Variants in KCND2 observed in about 807,000 individuals in gnomAD.
KCND2 encodes A-type voltage-gated potassium channel KCND2.
A neutral mutation model predicts 54.4 loss-of-function variants in KCND2; 16 were observed. The ratio of observed to expected loss-of-function variants is 0.29; its 90% CI spans 0.20 to 0.45. The LOEUF (loss-of-function observed/expected upper bound fraction) is 0.45, where lower values mean the gene tolerates loss of function less well. KCND2 is among the 20% of genes least tolerant of loss of function. The pLI, the probability that KCND2 is intolerant of heterozygous loss-of-function variation, is 1.00. For missense variants in KCND2, 486 were observed against 824.2 expected, an observed-to-expected ratio of 0.59 and a Z score of 5.02; for synonymous variants, 317 against 310.7, an observed-to-expected ratio of 1.02 and a Z score of -0.21.
intron 1 of KCND2, among the ~76,000 whole-genome samples, chr7:120,655,441 T>C (rs2116551572): frequency 6.6e-6 from 1 of 152,180 alleles, no homozygotes; most frequent in Non-Finnish European, 1.5e-5. Context: ...TATTATACTA[T>C]AGTGATTACT....
intron 1 of KCND2, among the ~76,000 whole-genome samples, chr7:120,396,233 G>A (rs192656368): frequency 3.2e-4 from 49 of 152,080 alleles, no homozygotes; most frequent in Non-Finnish European, 6.0e-4. Flanking sequence ...TCCTGTGTTG[G>A]TCAAATTAAT....
In KCND2 at chr7:120,685,102, C is replaced by G. The variant is rs1012156733; in HGVS notation, c.1116-47801C>G. On this transcript the variant is annotated intron_variant, in intron 1 of 5. Transcript: ENST00000331113. The stretch of plus-strand genomic sequence containing the variant: ...TGGTCTGTGGAAAAATTGTCTTCCA[C>G]GAAATTGGTCCTTGGTGCCAAAAAG... 8.5e-5 allele frequency among the ~76,000 whole-genome samples: 13 copies of G among 152,144 alleles called. 1 individual carries two copies. The highest frequency in any genetic ancestry group is 2.0e-4 in the Admixed American group (3 of 15,256).
At chr7:120,321,342 T>C (rs1799890647) in intron 1 of KCND2, among the ~76,000 whole-genome samples, 1 of 152,076 alleles carries the variant, frequency 6.6e-6, no homozygotes, top group Non-Finnish European at 1.5e-5. Context: ...TTACATTGTT[T>C]AGGCATGTCT....
At chr7:120,744,109 A>C (rs1792975791) in intron 4 of KCND2, among the ~76,000 whole-genome samples, 1 of 152,050 alleles carries the variant, frequency 6.6e-6, no homozygotes, top group Non-Finnish European at 1.5e-5. Flanking sequence ...AAAATACAAA[A>C]AAATTAGCCA....
chr7:120,276,113 T>C (rs1799170046), intron 1 of KCND2, among the ~76,000 whole-genome samples: 2 of 152,142 alleles, frequency 1.3e-5, no homozygotes, highest in Admixed American at 1.3e-4. Context: ...TATTGAAATG[T>C]CTATAAAGTG....
In KCND2 at chr7:120,322,714, A is replaced by G. The variant is rs536660884; in HGVS notation, c.1115+46967A>G. Among the ~76,000 whole-genome samples the G allele has an allele frequency of 1.1e-4, 16 of 152,244 alleles. 1 individual carries two copies. Among genetic ancestry groups the G allele is most frequent in the South Asian group, 4.1e-4 (2 of 4,826 alleles). Reference sequence around the variant, plus strand: ...CTCTGGGTGTTAACTCCGGTTAAGAATGAAAGATGGCACTCCTCTGTGTTA... The same window carrying G: ...CTCTGGGTGTTAACTCCGGTTAAGAGTGAAAGATGGCACTCCTCTGTGTTA... On this transcript the variant is annotated intron_variant, in intron 1 of 5. Transcript: ENST00000331113.
chr7:120,399,590 T>C (rs1801213336), intron 1 of KCND2, among the ~76,000 whole-genome samples: 1 of 152,030 alleles, frequency 6.6e-6, no homozygotes, highest in Admixed American at 6.6e-5. Flanking sequence ...TAGTTAACAA[T>C]AAATAATGTG....
chr7:120,470,405 A>G (rs865986255), intron 1 of KCND2, among the ~76,000 whole-genome samples: 10 of 152,114 alleles, frequency 6.6e-5, no homozygotes, highest in African/African-American at 1.2e-4. Context: ...GCACTTTAAC[A>G]TAGTGTGCCT....
At chr7:120,501,419 G>A (rs1802930664) in intron 1 of KCND2, among the ~76,000 whole-genome samples, 1 of 152,102 alleles carries the variant, frequency 6.6e-6, no homozygotes, top group Non-Finnish European at 1.5e-5. Context: ...TGAGGTTCCT[G>A]AGCAATGCAA....
intron 1 of KCND2, among the ~76,000 whole-genome samples, chr7:120,363,666 T>C (rs1800627189): frequency 6.6e-6 from 1 of 152,126 alleles, no homozygotes; most frequent in Non-Finnish European, 1.5e-5. Context: ...GATTCTGTCA[T>C]ACCTAATTTT....
At chr7:120,443,136 T>C (rs1042757233) in intron 1 of KCND2, among the ~76,000 whole-genome samples, 2 of 151,978 alleles carry the variant, frequency 1.3e-5, no homozygotes, top group Admixed American at 1.3e-4. Flanking sequence ...TCTCCACTAA[T>C]CAGGATGAGC....
intron 1 of KCND2, among the ~76,000 whole-genome samples, chr7:120,435,193 A>G (rs944710847): frequency 4.1e-5 from 6 of 146,114 alleles, no homozygotes; most frequent in Middle Eastern, 3.5e-3. Flanking sequence ...TGCAACCACC[A>G]CCTCCCGGGT....
chr7:120,506,073 C>G (rs924218536), intron 1 of KCND2, among the ~76,000 whole-genome samples: 8 of 151,584 alleles, frequency 5.3e-5, no homozygotes, highest in Non-Finnish European at 1.0e-4. Flanking sequence ...GGAAAAAACA[C>G]AATCTTACCT....
At chr7:120,533,963 C>T (rs1349768695) in intron 1 of KCND2, among the ~76,000 whole-genome samples, 4 of 152,100 alleles carry the variant, frequency 2.6e-5, no homozygotes, top group Non-Finnish European at 4.4e-5. Context: ...GTGTTTGATG[C>T]ACTATGTCAT....
intron 1 of KCND2, among the ~76,000 whole-genome samples, chr7:120,312,232 G>A (rs551606029): frequency 2.2e-4 from 34 of 151,990 alleles, no homozygotes; most frequent in Middle Eastern, 6.8e-3. Flanking sequence ...TTAAATGACC[G>A]CGTAGTATTC....
At chr7:120,557,165 CAG>C (rs2116404312) in intron 1 of KCND2, among the ~76,000 whole-genome samples, 1 of 152,206 alleles carries the variant, frequency 6.6e-6, no homozygotes, top group Non-Finnish European at 1.5e-5. Context: ...TGATACATAA[CAG>C]ATGTACATAT....
chr7:120,675,805 C>G (rs541126489), intron 1 of KCND2, among the ~76,000 whole-genome samples: 5 of 151,226 alleles, frequency 3.3e-5, no homozygotes, highest in Admixed American at 1.3e-4. Flanking sequence ...CTGTTGTCCC[C>G]TTGACTAGTT....
At chr7:120,300,551 A>G (rs1799571288) in intron 1 of KCND2, among the ~76,000 whole-genome samples, 1 of 152,174 alleles carries the variant, frequency 6.6e-6, no homozygotes. Context: ...GAACATGGAT[A>G]TTATTCAGAG....
rs1331600810 is a variant in KCND2 at position 120,281,793 on chromosome 7, A to G, written c.1115+6046A>G. Among the ~76,000 whole-genome samples, 6 of 152,312 alleles carry G rather than the reference A, an allele frequency of 3.9e-5. No homozygotes were observed. In the East Asian group the frequency reaches 1.2e-3, roughly 29 times the overall value. On this transcript the variant is annotated intron_variant, in intron 1 of 5. Coordinates refer to ENST00000331113, the MANE Select transcript of KCND2 (RefSeq NM_012281.3). Reference sequence around the variant, plus strand: ...TGGTGTGAGATGGCACTTGTACGCCATGGAGAGCTCCTTAGCCATGGAGCT... The same window carrying G: ...TGGTGTGAGATGGCACTTGTACGCCGTGGAGAGCTCCTTAGCCATGGAGCT...
Sources: gnomAD v4.1 joint callset for allele counts (sites outside exome capture counted in the v4.1 genomes callset) on GRCh38, gnomAD v4.1.1 for gene constraint, MANE v1.5 for transcripts, NCBI Gene and HGNC (gene_info 2026-07-23, HGNC 2026-07-21) for gene names.